PHF1: variants seen among roughly 807,000 people sequenced by gnomAD.
PHF1 encodes polycomb-like 1.
Under a neutral mutation model 69.4 loss-of-function variants are expected in PHF1, and 16 were observed. That is an observed-to-expected ratio of 0.23 (90% CI 0.16 to 0.35). PHF1 has a LOEUF of 0.35. Ranked by LOEUF, PHF1 falls within the 10% of genes least tolerant of loss-of-function variation. The pLI, the probability that PHF1 is intolerant of heterozygous loss-of-function variation, is 1.00. For synonymous variants in PHF1, 274 were observed against 275.0 expected (o/e 1.00, Z 0.04); for missense variants, 515 against 732.8 (o/e 0.70, Z 3.43).
chr6:33,413,565 A>G lies in PHF1; in HGVS notation c.587+8A>G, dbSNP rs767342191. 2.5e-6 allele frequency: 4 copies of G among 1,614,100 alleles called. No individual in the cohort carries two copies. The highest frequency in any genetic ancestry group is 3.4e-6 in the Non-Finnish European group (4 of 1,179,996). ...CTGTGGTGGCCCTGGGGAGTGAGTA[A>G]TGAGAGGGGAGCAGACTGTGGAATG... On this transcript the variant is annotated splice_region_variant and intron_variant, in intron 6 of 14. Coordinates refer to ENST00000374516, the MANE Select transcript of PHF1 (RefSeq NM_024165.3).
In PHF1 at chr6:33,415,573, C is replaced by A; in HGVS notation, c.1335-17C>A. On this transcript the variant is annotated splice_polypyrimidine_tract_variant and intron_variant, in intron 13 of 14. Coordinates refer to ENST00000374516, the MANE Select transcript of PHF1 (RefSeq NM_024165.3). ...TTCCCCTGCTTCAGGTCCTGACTTT[C>A]CCCACTCCAACCCCAGCAGCCCCAT... 1.2e-6 allele frequency: 2 copies of A among 1,613,472 alleles called. No individual in the cohort carries two copies. Among genetic ancestry groups the A allele is most frequent in the Non-Finnish European group, 1.7e-6 (2 of 1,179,522 alleles).
chr6:33,415,172 G>A (rs926680503), intron 12 of PHF1, 28 bp downstream of exon 12: 5 of 1,613,522 alleles, frequency 3.1e-6, no homozygotes, highest in East Asian at 2.2e-5. Context: ...ACCCGATGGA[G>A]CAAATGGTGG....
Position 33,412,586 on chromosome 6 carries a change from C to T in PHF1, c.238C>T (p.Pro80Ser), listed in dbSNP as rs774413269. The change falls in exon 3 of 15, where the codon CCT becomes TCT. Residue 80 changes from proline to serine, a missense_variant. Pro to Ser is a moderately conservative substitution (Grantham distance 74). Coordinates refer to ENST00000374516, the MANE Select transcript of PHF1 (RefSeq NM_024165.3). This position sits in a 1 kb window ranked among gnomAD's most constrained non-coding sequence, Gnocchi z 4.2. ...QFLVLWKDIS[P>S]AALPGEELLC... ...TCTGGTTCTATGGAAAGACATTAGC[C>T]CTGGTAAGACTCTAGAGACCTGAGA... 1 of 1,614,116 alleles carries T rather than the reference C, an allele frequency of 6.2e-7. No homozygotes were observed. Among genetic ancestry groups the T allele is most frequent in the Non-Finnish European group, 8.5e-7 (1 of 1,179,972 alleles).
At chr6:33,410,993 TCCCTCCCTCCCCC>T (rs1380321807), upstream of PHF1, 1 of 50,582 alleles carries the variant, frequency 2.0e-5, no homozygotes, top group African/African-American at 7.9e-5. Context: ...GTCCCTCCCC[TCCCTCCCTCCCCC>T]CCGCCGCCTC....
Position 33,415,428 on chromosome 6 carries a change from T to C in PHF1, c.1334+99T>C, listed in dbSNP as rs1434161284. On this transcript the variant is annotated intron_variant, in intron 13 of 14. Transcript: ENST00000374516. ...AATTCTTTTCCCTCTCCCCCTTGGC[T>C]ACCCACTTCTTGGCCTAGACCGACT... is the stretch of plus-strand genomic sequence containing the variant. 3 of 1,235,722 alleles carry C rather than the reference T, an allele frequency of 2.4e-6. No individual in the cohort carries two copies. In the African/African-American group the frequency reaches 4.4e-5, roughly 18 times the overall value. The allele number at this position is 1,235,722 out of a possible 1,614,324, so 76.5% of individuals were successfully genotyped here.
chr6:33,412,246 A>G lies in PHF1; in HGVS notation c.-16-2A>G, dbSNP rs1304461845. On this transcript the variant is annotated splice_acceptor_variant, in intron 1 of 14. Coordinates refer to ENST00000374516, the MANE Select transcript of PHF1 (RefSeq NM_024165.3). LOFTEE classifies it low-confidence loss of function (5UTR_SPLICE). This position sits in a 1 kb window ranked among gnomAD's most constrained non-coding sequence, Gnocchi z 4.2. ...TCTCCTCCCCATTTCTTTTCTGGCT[A>G]GGCCCCCCCAGGATGCAATGGCGCA... The G allele has an allele frequency of 6.3e-7, 1 of 1,597,978 alleles. No individual in the cohort carries two copies. The highest frequency in any genetic ancestry group is 8.6e-7 in the Non-Finnish European group (1 of 1,167,476).
rs190362846 is a variant in PHF1, at chr6:33,413,284, G to T, written c.426G>T (p.Ala142=). ...GGGTATGCCGCCAGTGTGTCTTTGC[G>T]ATCGCCACCAAGGTAAAGGCACTTC... The part of the protein sequence containing the change: ...TSWVCRQCVF[A]IATKRGGALK... The change falls in exon 5 of 15, where the codon GCG becomes GCT. Residue 142 remains alanine, a synonymous_variant. Transcript: ENST00000374516. 1 of 1,613,780 alleles carries T rather than the reference G, an allele frequency of 6.2e-7. No homozygotes were observed. The highest frequency in any genetic ancestry group is 2.2e-5 in the East Asian group (1 of 44,872).
intron 12 of PHF1, 35 bp from the exon 13 acceptor site, chr6:33,415,200 A>G (rs750314754): frequency 6.2e-7 from 1 of 1,613,056 alleles, no homozygotes. Context: ...GAAGGAGTCA[A>G]GGATTATCTC....
Position 33,412,181 on chromosome 6 carries a change from GAAA to G in PHF1, c.-16-64_-16-62del, listed in dbSNP as rs1319070196. 1 of 880,218 alleles carries G rather than the reference GAAA, an allele frequency of 1.1e-6. No homozygotes were observed. The highest frequency in any genetic ancestry group is 2.7e-5 in the East Asian group (1 of 37,092). The allele number at this position is 880,218 out of a possible 1,614,324, so 54.5% of individuals were successfully genotyped here. A position where few individuals can be genotyped will look rare whatever the true frequency, so the allele number is the denominator to read the frequency against. ...CATCTCAGGAAAAAAAAAAAAAAAA[GAAA>G]AAGAAAATGGGGAAGGTTTCTCAGC... On this transcript the variant is annotated intron_variant, in intron 1 of 14. Transcript: ENST00000374516. This position sits in a 1 kb window ranked among gnomAD's most constrained non-coding sequence, Gnocchi z 4.2.
Position 33,414,890 on chromosome 6 carries a change from A to T in PHF1, c.1049+61A>T. ...GGTGTTAGTCCTGGGGGGTATATGT[A>T]TAGAGATGGGGAGGTCTTGGGGGTG... On this transcript the variant is annotated intron_variant, in intron 11 of 14. Coordinates refer to ENST00000374516, the MANE Select transcript of PHF1 (RefSeq NM_024165.3). The surrounding 1 kb of genome is among the most constrained non-coding windows in gnomAD (Gnocchi z 5.0). The T allele has an allele frequency of 7.0e-7, 1 of 1,433,034 alleles. No homozygotes were observed. Among genetic ancestry groups the T allele is most frequent in the Non-Finnish European group, 9.5e-7 (1 of 1,056,988 alleles). The allele number at this position is 1,433,034 out of a possible 1,614,324, so 88.8% of individuals were successfully genotyped here. A position where few individuals can be genotyped will look rare whatever the true frequency, so the allele number is the denominator to read the frequency against.
chr6:33,411,998 C>T (rs1462895764), intron 1 of PHF1, among the ~76,000 whole-genome samples: 2 of 152,068 alleles, frequency 1.3e-5, no homozygotes, highest in Non-Finnish European at 2.9e-5. Context: ...CTCATCTCTA[C>T]TAAAAATACA....
Position 33,414,361 on chromosome 6 carries a change from G to A in PHF1, c.871G>A (p.Gly291Arg), listed in dbSNP as rs1472882144. 1.2e-6 allele frequency: 2 copies of A among 1,614,056 alleles called. No individual in the cohort carries two copies. Among genetic ancestry groups the A allele is most frequent in the African/African-American group, 1.3e-5 (1 of 74,912 alleles). The change falls in exon 9 of 15, where the codon GGG becomes AGG. Residue 291 changes from glycine to arginine, a missense_variant. By Grantham distance (125) the Gly-to-Arg change is moderately radical. Transcript: ENST00000374516. This position sits in a 1 kb window ranked among gnomAD's most constrained non-coding sequence, Gnocchi z 5.0. ...TGAGAATTGGGACAGTTTGCTCCTGGGGGAGGTAAGGGGTAGTGCAGTTTT... is the reference window on the plus strand; with the variant it reads ...TGAGAATTGGGACAGTTTGCTCCTGAGGGAGGTAAGGGGTAGTGCAGTTTT... ...TSENWDSLLL[G>R]ELSDTPKGER...
chr6:33,415,651 G>A lies in PHF1; in HGVS notation c.1396G>A (p.Asp466Asn). ...TGCCAGCACCGCAGGGACCTCTGGG[G>A]ACAGTGGACCCCCAGACAGGTGAGA... ...PSASTAGTSG[D>N]SGPPDRSPLE... Residue 466 changes from aspartate to asparagine, a missense_variant, in exon 14 of 15, where the codon GAC (aspartate) becomes AAC (asparagine). Asp to Asn is a conservative substitution (Grantham distance 23). This residue lies in a region of PHF1 where 274 missense variants were observed against 304.5 expected (regional missense o/e 0.90). Transcript: ENST00000374516. 3 of 1,614,036 alleles carry A rather than the reference G, an allele frequency of 1.9e-6. No homozygotes were observed. Among genetic ancestry groups the A allele is most frequent in the Non-Finnish European group, 2.5e-6 (3 of 1,179,956 alleles).
chr6:33,412,338 T>C lies in PHF1; in HGVS notation c.75T>C (p.Ser25=). The C allele has an allele frequency of 6.2e-7, 1 of 1,614,222 alleles. No homozygotes were observed. Among genetic ancestry groups the C allele is most frequent in the Non-Finnish European group, 8.5e-7 (1 of 1,180,020 alleles). The change falls in exon 2 of 15, where the codon TCT becomes TCC. Residue 25 remains serine (S), a synonymous_variant. Transcript: ENST00000374516. The surrounding 1 kb of genome is among the most constrained non-coding windows in gnomAD (Gnocchi z 4.2). ...LWDPASPAPT[S]GPRPRLWEGQ... ...ACCCAGCTTCTCCTGCTCCCACCTCTGGCCCCAGGCCTCGGCTTTGGGAGG... is the reference window on the plus strand; with the variant it reads ...ACCCAGCTTCTCCTGCTCCCACCTCCGGCCCCAGGCCTCGGCTTTGGGAGG...
rs571764561 is a variant in PHF1 at position 33,412,188 on chromosome 6, A to T, written c.-16-60A>T. ...GGAAAAAAAAAAAAAAAAGAAAAAG[A>T]AAATGGGGAAGGTTTCTCAGCATTC... is the stretch of plus-strand genomic sequence containing the variant. On this transcript the variant is annotated intron_variant, in intron 1 of 14. Transcript: ENST00000374516. This position sits in a 1 kb window ranked among gnomAD's most constrained non-coding sequence, Gnocchi z 4.2. 2.4e-6 allele frequency: 3 copies of T among 1,240,356 alleles called. No individual in the cohort carries two copies. Among genetic ancestry groups the T allele is most frequent in the Non-Finnish European group, 3.4e-6 (3 of 877,804 alleles). The allele number at this position is 1,240,356 out of a possible 1,614,324, so 76.8% of individuals were successfully genotyped here. A position where few individuals can be genotyped will look rare whatever the true frequency, so the allele number is the denominator to read the frequency against.
intron 1 of PHF1, 116 bp downstream of exon 1, chr6:33,411,331 C>T (rs1010977447): frequency 2.0e-5 from 3 of 152,170 alleles, no homozygotes; most frequent in African/African-American, 7.2e-5. Flanking sequence ...GACACAAGTC[C>T]CTTCTCGGAC....
At position 33,412,804 on chromosome 6, in the gene PHF1, A is replaced by G. The variant is rs1581941120; in HGVS notation, c.337+11A>G. The G allele has an allele frequency of 6.2e-7, 1 of 1,607,268 alleles. No individual in the cohort carries two copies. Among genetic ancestry groups the G allele is most frequent in the South Asian group, 1.1e-5 (1 of 90,952 alleles). ...AGAAGTGTCGCCATGGTGAGAGGGC[A>G]GGTCACCTGAATGGTCCAGCTTGCT... On this transcript the variant is annotated intron_variant, in intron 4 of 14. Coordinates refer to ENST00000374516, the MANE Select transcript of PHF1 (RefSeq NM_024165.3). This position sits in a 1 kb window ranked among gnomAD's most constrained non-coding sequence, Gnocchi z 4.2.
chr6:33,411,811 A>G (rs993155424), intron 1 of PHF1, among the ~76,000 whole-genome samples: 15 of 152,118 alleles, frequency 9.9e-5, no homozygotes, highest in African/African-American at 3.6e-4. Flanking sequence ...AAGGTGTCTC[A>G]GGGATTTGGA....
chr6:33,410,724 C>G (rs1484747884), upstream of PHF1: 11 of 131,760 alleles, frequency 8.3e-5, no homozygotes, highest in East Asian at 2.5e-3. Context: ...GGGGACCAGG[C>G]CGGAGGCGGG....
Sources: allele counts gnomAD v4.1 joint callset (sites outside exome capture counted in the v4.1 genomes callset), GRCh38; gene constraint gnomAD v4.1.1; regional missense constraint gnomAD v4.1.1; non-coding constraint Gnocchi (gnomAD v3.1); transcripts MANE v1.5; gene names NCBI Gene and HGNC (gene_info 2026-07-23, HGNC 2026-07-21).